The following SV2B variants were observed in gnomAD, a reference collection of about 807,000 sequenced individuals.
SV2B encodes solute carrier family 22 member B2.
A neutral mutation model predicts 73.9 loss-of-function variants in SV2B; 41 were observed. The observed-to-expected ratio is 0.56, with a 90% CI of 0.43 to 0.72. SV2B has a LOEUF of 0.72. Among genes scored for constraint, SV2B ranks in the 30% least tolerant of loss-of-function variants. The pLI, the probability that SV2B is intolerant of heterozygous loss-of-function variation, is 0.00. For synonymous variants in SV2B, 314 were observed against 314.2 expected, an observed-to-expected ratio of 1.00 and a Z score of 0.01; for missense variants, 764 against 857.8, an observed-to-expected ratio of 0.89 and a Z score of 1.37.
Position 91,132,257 on chromosome 15 carries a change from C to T in SV2B, c.-392+31894C>T, listed in dbSNP as rs115614987. Among the ~76,000 whole-genome samples, 5,372 of 152,284 alleles carry T rather than the reference C, an allele frequency of 0.035. 311 individuals are homozygous for T. The highest frequency in any genetic ancestry group is 0.12 in the African/African-American group (4,983 of 41,522). ...TTTCCCATTGGCTGCTTCATGCTCA[C>T]CTCATGTAAATGAAGTAGTAGCCCA... On this transcript the variant is annotated intron_variant, in intron 1 of 12. Coordinates refer to ENST00000394232, the MANE Select transcript of SV2B (RefSeq NM_001323032.3). The surrounding 1 kb of genome is among the most constrained non-coding windows in gnomAD (Gnocchi z 4.6).
intron 1 of SV2B, among the ~76,000 whole-genome samples, chr15:91,109,607 T>C (rs544093426): frequency 1.1e-4 from 17 of 152,314 alleles, no homozygotes; most frequent in African/African-American, 3.8e-4. Context: ...GGCAGGTTCC[T>C]TTTCAGGTCC....
chr15:91,119,478 G>A (rs559230459), intron 1 of SV2B, among the ~76,000 whole-genome samples: 7 of 152,270 alleles, frequency 4.6e-5, no homozygotes, highest in South Asian at 2.1e-4. Context: ...CAAGCTTTGC[G>A]TTTGCCATGG....
At chr15:91,255,855 G>A (rs974746974) in intron 4 of SV2B, among the ~76,000 whole-genome samples, 4 of 152,208 alleles carry the variant, frequency 2.6e-5, no homozygotes, top group Non-Finnish European at 5.9e-5. Flanking sequence ...TTTGTCCGCA[G>A]TGAACCAGAC....
In SV2B at chr15:91,105,224, AT is replaced by A. The variant is rs1036195576; in HGVS notation, c.-392+4863del. Among the ~76,000 whole-genome samples, 2 of 152,194 alleles carry A rather than the reference AT, an allele frequency of 1.3e-5. No homozygotes were observed. Among genetic ancestry groups the A allele is most frequent in the Non-Finnish European group, 2.9e-5 (2 of 68,034 alleles). On this transcript the variant is annotated intron_variant, in intron 1 of 12. Coordinates refer to ENST00000394232, the MANE Select transcript of SV2B (RefSeq NM_001323032.3). This position sits in a 1 kb window ranked among gnomAD's most constrained non-coding sequence, Gnocchi z 5.5. ...AATAATGTATGTTTTATATCAGGTG[AT>A]TAAGGAATGTTGAGCAGGGAAAGGA...
chr15:91,284,304 T>A lies in SV2B; in HGVS notation c.1708+83T>A, dbSNP rs7169561. On this transcript the variant is annotated intron_variant, in intron 11 of 12. Coordinates refer to ENST00000394232, the MANE Select transcript of SV2B (RefSeq NM_001323032.3). This position sits in a 1 kb window ranked among gnomAD's most constrained non-coding sequence, Gnocchi z 4.5. ...GTGTATTAAACAGGGAAATTTTCCC[T>A]TTTATTAAATAATTCTTGCACAACA... The A allele has an allele frequency of 0.071, 103,885 of 1,454,144 alleles. 4,192 individuals carry two copies. Among genetic ancestry groups the A allele is most frequent in the Middle Eastern group, 0.11 (525 of 4,942 alleles). 90.1% of individuals were successfully genotyped at this position (1,454,144 alleles called of 1,614,324 possible).
chr15:91,168,332 A>AGAGAGAGAGAGAGAGAC, intron 1 of SV2B, among the ~76,000 whole-genome samples: 1 of 78,416 alleles, frequency 1.3e-5, no homozygotes, highest in Non-Finnish European at 2.9e-5. Flanking sequence ...GAGAGAGAGA[A>AGAGAGAGAGAGAGAGAC]AAGAAATTTC....
At position 91,141,325 on chromosome 15, in the gene SV2B, A is replaced by T. The variant is rs1346401355; in HGVS notation, c.-392+40962A>T. Among the ~76,000 whole-genome samples, 2 of 152,212 alleles carry T rather than the reference A, an allele frequency of 1.3e-5. No individual in the cohort carries two copies. Among genetic ancestry groups the T allele is most frequent in the African/African-American group, 4.8e-5 (2 of 41,446 alleles). ...GTGTTTCCAGATTTTTGCTGGCATC[A>T]TCTAGGGTGTCTTGCAGAACAGGGC... On this transcript the variant is annotated intron_variant, in intron 1 of 12. Transcript: ENST00000394232. The surrounding 1 kb of genome is among the most constrained non-coding windows in gnomAD (Gnocchi z 4.6).
chr15:91,182,004 GA>G (rs1208126256), intron 1 of SV2B, among the ~76,000 whole-genome samples: 1 of 152,066 alleles, frequency 6.6e-6, no homozygotes, highest in East Asian at 1.9e-4. Context: ...AAAGGACAAG[GA>G]GACATTTTGC....
At position 91,229,572 on chromosome 15, in the gene SV2B, C is replaced by T. The variant is rs1036457900; in HGVS notation, c.451+2858C>T. Among the ~76,000 whole-genome samples the T allele has an allele frequency of 1.6e-4, 25 of 152,060 alleles. No individual in the cohort carries two copies. Among genetic ancestry groups the T allele is most frequent in the Non-Finnish European group, 2.6e-4 (18 of 68,008 alleles). On this transcript the variant is annotated intron_variant, in intron 2 of 12. Coordinates refer to ENST00000394232, the MANE Select transcript of SV2B (RefSeq NM_001323032.3). The surrounding 1 kb of genome is among the most constrained non-coding windows in gnomAD (Gnocchi z 4.3). ...TAGTAGTGTGGTTTTGAGAAAGTTG[C>T]CTGGCTTCTCTGTGCCTTGGTTTCC...
Position 91,118,913 on chromosome 15 carries a change from A to G in SV2B, c.-392+18550A>G, listed in dbSNP as rs972074910. Reference sequence around the variant, plus strand: ...TCGGCTCTGTGTGGAGACTTGCAATACTTTATATACTGGTGAATGAGCTGT... The same window carrying G: ...TCGGCTCTGTGTGGAGACTTGCAATGCTTTATATACTGGTGAATGAGCTGT... On this transcript the variant is annotated intron_variant, in intron 1 of 12. Transcript: ENST00000394232. The surrounding 1 kb of genome is among the most constrained non-coding windows in gnomAD (Gnocchi z 4.7). Among the ~76,000 whole-genome samples, 3 of 151,998 alleles carry G rather than the reference A, an allele frequency of 2.0e-5. No individual in the cohort carries two copies. Among genetic ancestry groups the G allele is most frequent in the African/African-American group, 7.3e-5 (3 of 41,360 alleles).
At chr15:91,216,637 T>C (rs1290998794) in intron 1 of SV2B, among the ~76,000 whole-genome samples, 1 of 151,716 alleles carries the variant, frequency 6.6e-6, no homozygotes, top group Non-Finnish European at 1.5e-5. Flanking sequence ...CACGCCCAGC[T>C]AATTTTTATT....
In SV2B at chr15:91,141,836, T is replaced by C. The variant is rs574691850; in HGVS notation, c.-392+41473T>C. On this transcript the variant is annotated intron_variant, in intron 1 of 12. Transcript: ENST00000394232. The surrounding 1 kb of genome is among the most constrained non-coding windows in gnomAD (Gnocchi z 4.6). ...GTTACATTCAGAGAGTTAGATGCTG[T>C]ACCTGAAAGGGTGTATGTTTAAAAG... 6.6e-6 allele frequency among the ~76,000 whole-genome samples: 1 copy of C among 152,154 alleles called. No homozygotes were observed. Among genetic ancestry groups the C allele is most frequent in the South Asian group, 2.1e-4 (1 of 4,818 alleles).
At chr15:91,114,549 G>A (rs1159679205) in intron 1 of SV2B, among the ~76,000 whole-genome samples, 1 of 152,190 alleles carries the variant, frequency 6.6e-6, no homozygotes. Context: ...AGGGACCCAA[G>A]GGGTCCGTTT....
At position 91,268,330 on chromosome 15, in the gene SV2B, A is replaced by G; in HGVS notation, c.1209-111A>G. 8.9e-7 allele frequency: 1 copy of G among 1,119,592 alleles called. No individual in the cohort carries two copies. The highest frequency in any genetic ancestry group is 1.2e-6 in the Non-Finnish European group (1 of 809,150). The allele number at this position is 1,119,592 out of a possible 1,614,324, so 69.4% of individuals were successfully genotyped here. A position where few individuals can be genotyped will look rare whatever the true frequency, so the allele number is the denominator to read the frequency against. On this transcript the variant is annotated intron_variant, in intron 8 of 12. Transcript: ENST00000394232. The surrounding 1 kb of genome is among the most constrained non-coding windows in gnomAD (Gnocchi z 4.4). ...TTGTCAGATTTTCTAATAATGAACC[A>G]AATTAATGTATTTTCAATGAGTTTG... is the stretch of plus-strand genomic sequence containing the variant.
At position 91,197,065 on chromosome 15, in the gene SV2B, A is replaced by C. The variant is rs150926684; in HGVS notation, c.-391-28808A>C. Among the ~76,000 whole-genome samples, 1 of 152,352 alleles carries C rather than the reference A, an allele frequency of 6.6e-6. No homozygotes were observed. The highest frequency in any genetic ancestry group is 2.1e-4 in the South Asian group (1 of 4,830). On this transcript the variant is annotated intron_variant, in intron 1 of 12. Transcript: ENST00000394232. This position sits in a 1 kb window ranked among gnomAD's most constrained non-coding sequence, Gnocchi z 4.9. ...TGCCGGCTGTGGCAGCCTTTAGCCC[A>C]TAGATGCTGATCTTTGATGTCAGAA... is the stretch of plus-strand genomic sequence containing the variant.
chr15:91,263,391 C>T (rs1021364695), intron 6 of SV2B, among the ~76,000 whole-genome samples: 1 of 151,628 alleles, frequency 6.6e-6, no homozygotes, highest in Admixed American at 6.6e-5. Flanking sequence ...GATGCAGAGA[C>T]ACACAGACAC....
At chr15:91,263,291 GAC>G (rs1048535634) in intron 6 of SV2B, among the ~76,000 whole-genome samples, 2 of 150,302 alleles carry the variant, frequency 1.3e-5, no homozygotes, top group South Asian at 2.1e-4. Flanking sequence ...CATGAACACA[GAC>G]ACACAGACAC....
chr15:91,166,687 G>T (rs1336674779), intron 1 of SV2B, among the ~76,000 whole-genome samples: 1 of 151,718 alleles, frequency 6.6e-6, no homozygotes, highest in East Asian at 1.9e-4. Flanking sequence ...ACTTTTAATT[G>T]ACCTATTTTC....
intron 1 of SV2B, among the ~76,000 whole-genome samples, chr15:91,181,756 G>T (rs12594268): frequency 6.6e-6 from 1 of 150,736 alleles, no homozygotes; most frequent in Admixed American, 6.6e-5. Context: ...TAAGGAGGTC[G>T]TCACATGTCA....
Sources: gnomAD v4.1 joint callset for allele counts (sites outside exome capture counted in the v4.1 genomes callset) on GRCh38, gnomAD v4.1.1 for gene constraint, Gnocchi (gnomAD v3.1) non-coding constraint, MANE v1.5 for transcripts, NCBI Gene and HGNC (gene_info 2026-07-23, HGNC 2026-07-21) for gene names.